The following NDUFAF6 variants were observed in gnomAD, a reference collection of about 807,000 sequenced individuals.
NDUFAF6 encodes NADH dehydrogenase (ubiquinone) complex I, assembly factor 6.
NDUFAF6 carries 45 observed loss-of-function variants against 40.8 expected under a neutral mutation model. That is an observed-to-expected ratio of 1.10 (90% CI 0.87 to 1.42). NDUFAF6 has a LOEUF of 1.42. NDUFAF6 is among the 40% of genes most tolerant of loss of function. The probability of loss-of-function intolerance (pLI) is 0.00; values close to 1 mark genes in which losing one functional copy is unlikely to be tolerated. For missense variants in NDUFAF6, 435 were observed against 418.5 expected (o/e 1.04, Z -0.34); for synonymous variants, 185 against 155.9 (o/e 1.19, Z -1.39).
intron 1 of NDUFAF6, among the ~76,000 whole-genome samples, chr8:94,920,593 G>A (rs1819432542): frequency 6.6e-6 from 1 of 152,226 alleles, no homozygotes; most frequent in Non-Finnish European, 1.5e-5. Flanking sequence ...AGGGAACAAG[G>A]GGAGGGCTGG....
chr8:94,951,053 G>A (rs1473905741), intron 2 of NDUFAF6: 1 of 152,228 alleles, frequency 6.6e-6, no homozygotes, highest in Non-Finnish European at 1.5e-5. Flanking sequence ...CCAATAGAAT[G>A]TGGCAGAAAG....
Position 95,024,995 on chromosome 8 carries a change from G to C in NDUFAF6, c.-14G>C. 1 of 1,321,216 alleles carries C rather than the reference G, an allele frequency of 7.6e-7. No homozygotes were observed. Among genetic ancestry groups the C allele is most frequent in the Non-Finnish European group, 9.6e-7 (1 of 1,042,124 alleles). 81.8% of individuals were successfully genotyped at this position (1,321,216 alleles called of 1,614,324 possible). On this transcript the variant is annotated 5_prime_UTR_variant, in exon 1 of 9. Coordinates refer to ENST00000396124, the MANE Select transcript of NDUFAF6 (RefSeq NM_152416.4). ...CCGACGGCGGGGGGTCGAAGGGCAC[G>C]CAGTGCCGGCGTCATGGCGGCCTCC...
intron 2 of NDUFAF6, chr8:95,033,882 A>AG (rs1004149553): frequency 2.6e-6 from 1 of 386,694 alleles, no homozygotes; most frequent in Admixed American, 3.0e-5. Flanking sequence ...AGATTCAGTT[A>AG]GGGGCACCTG....
intron 2 of NDUFAF6, among the ~76,000 whole-genome samples, chr8:94,998,726 T>C (rs1219437887): frequency 1.3e-5 from 2 of 152,170 alleles, no homozygotes; most frequent in East Asian, 3.9e-4. Context: ...GGGAGGTGGA[T>C]GCACGCAGGA....
At chr8:94,927,855 T>G (rs1316385445) in intron 1 of NDUFAF6, 1 of 152,416 alleles carries the variant, frequency 6.6e-6, no homozygotes, top group Non-Finnish European at 1.5e-5. Flanking sequence ...TTCTCACTGC[T>G]TGCATTTTAA....
chr8:94,898,458 G>C (rs1817800498), intron 1 of NDUFAF6, among the ~76,000 whole-genome samples: 1 of 152,208 alleles, frequency 6.6e-6, no homozygotes, highest in Non-Finnish European at 1.5e-5. Context: ...CGGTAGACGA[G>C]TTGACTGGGG....
At chr8:94,946,746 G>C (rs544869621) in intron 2 of NDUFAF6, among the ~76,000 whole-genome samples, 1 of 124,350 alleles carries the variant, frequency 8.0e-6, no homozygotes, top group South Asian at 2.6e-4. Flanking sequence ...TTGAAATCTT[G>C]GCTCTGCTAC....
At chr8:94,966,145 G>C (rs1438668757) in intron 1 of NDUFAF6, among the ~76,000 whole-genome samples, 1 of 152,150 alleles carries the variant, frequency 6.6e-6, no homozygotes, top group Non-Finnish European at 1.5e-5. Flanking sequence ...GCATCGGTTT[G>C]TAAGTCCTTA....
intron 1 of NDUFAF6, among the ~76,000 whole-genome samples, chr8:94,906,319 C>T (rs1818389368): frequency 6.6e-6 from 1 of 152,182 alleles, no homozygotes; most frequent in Non-Finnish European, 1.5e-5. Context: ...TTCCCTGTGT[C>T]CCTGCTGTTC....
intron 1 of NDUFAF6, chr8:94,926,907 T>C (rs1248100176): frequency 6.6e-6 from 1 of 152,216 alleles, no homozygotes; most frequent in South Asian, 2.1e-4. Context: ...AGTAAGTAGA[T>C]AGGGATGCCA....
chr8:94,984,204 T>C (rs952753158), intron 2 of NDUFAF6: 8 of 152,200 alleles, frequency 5.3e-5, no homozygotes, highest in African/African-American at 1.7e-4. Context: ...TGAATCCCTA[T>C]GTATCCATCA....
At chr8:94,996,780 C>G (rs1293761668) in intron 2 of NDUFAF6, among the ~76,000 whole-genome samples, 1 of 152,174 alleles carries the variant, frequency 6.6e-6, no homozygotes, top group Non-Finnish European at 1.5e-5. Context: ...GGTGGGCCCT[C>G]ATCCAACATG....
At chr8:95,039,840 TTGAACTCC>T (rs775354415) in intron 3 of NDUFAF6, among the ~76,000 whole-genome samples, 22 of 152,214 alleles carry the variant, frequency 1.4e-4, no homozygotes, top group Middle Eastern at 3.4e-3. Context: ...CAGGCTGGTC[TTGAACTCC>T]TGAACTCCTG....
chr8:94,936,056 T>C (rs999175427), intron 1 of NDUFAF6, among the ~76,000 whole-genome samples: 4 of 152,338 alleles, frequency 2.6e-5, no homozygotes, highest in East Asian at 3.9e-4. Flanking sequence ...CTGGCACTTA[T>C]GGCAAAAGAC....
At chr8:95,031,967 A>C (rs1486839353) in intron 1 of NDUFAF6, 28 bp from the exon 2 acceptor site, 1 of 1,589,646 alleles carries the variant, frequency 6.3e-7, no homozygotes, top group Non-Finnish European at 8.6e-7. Flanking sequence ...AGTGAAGAGT[A>C]ACTGTCTTTT....
Position 95,083,842 on chromosome 8 carries a change from G to C in NDUFAF6, n.213+8090G>C, listed in dbSNP as rs1470261768. On this transcript the variant is annotated intron_variant and non_coding_transcript_variant, in intron 2 of 5. Transcript: ENST00000523184. Reference sequence around the variant, plus strand: ...ACAAAGTCCCAGAGACTGCTTATATGACCATGTTTCGTTACCTACATTCAT... The same window carrying C: ...ACAAAGTCCCAGAGACTGCTTATATCACCATGTTTCGTTACCTACATTCAT... 7.9e-5 allele frequency among the ~76,000 whole-genome samples: 12 copies of C among 152,158 alleles called. No individual in the cohort carries two copies. In the East Asian group the frequency reaches 2.3e-3, roughly 29 times the overall value.
intron 1 of NDUFAF6, among the ~76,000 whole-genome samples, chr8:94,939,381 T>TA (rs1234962512): frequency 4.6e-5 from 7 of 152,258 alleles, no homozygotes; most frequent in African/African-American, 1.7e-4. Flanking sequence ...CTAACTTTCT[T>TA]AAAAAAATCT....
At chr8:94,985,117 T>TG (rs1231910290) in intron 2 of NDUFAF6, among the ~76,000 whole-genome samples, 1 of 151,866 alleles carries the variant, frequency 6.6e-6, no homozygotes, top group African/African-American at 2.4e-5. Context: ...AAATCTAAGG[T>TG]GGGGGGTTCT....
intron 2 of NDUFAF6, among the ~76,000 whole-genome samples, chr8:95,033,018 T>G (rs1486225164): frequency 6.6e-6 from 1 of 152,224 alleles, no homozygotes; most frequent in Non-Finnish European, 1.5e-5. Flanking sequence ...CACCTTGGTC[T>G]TTATTATCAT....
Sources: allele counts gnomAD v4.1 joint callset (sites outside exome capture counted in the v4.1 genomes callset), GRCh38; gene constraint gnomAD v4.1.1; transcripts MANE v1.5; gene names NCBI Gene and HGNC (gene_info 2026-07-23, HGNC 2026-07-21).